PNPLA1: variants seen among roughly 807,000 people sequenced by gnomAD.
PNPLA1 encodes patatin like domain 1, omega-hydroxyceramide transacylase.
In PNPLA1, 36 loss-of-function variants were observed where a neutral mutation model predicts 51.7. That is an observed-to-expected ratio of 0.70 (90% CI 0.53 to 0.92). PNPLA1 has a LOEUF of 0.92. PNPLA1 is among the 40% of genes least tolerant of loss of function. PNPLA1 has a pLI of 0.00. For missense variants in PNPLA1, 658 were observed against 682.5 expected, an observed-to-expected ratio of 0.96 and a Z score of 0.40; for synonymous variants, 293 against 280.1, an observed-to-expected ratio of 1.05 and a Z score of -0.46.
rs1769875068 is a variant in PNPLA1, at chr6:36,270,415, C to T, written c.-45C>T. ...CAGCCCAGGCTCGGGCAGGCAAGTG[C>T]TGAAGGGTGGCTCCGCCTTCCGCAG... On this transcript the variant is annotated 5_prime_UTR_variant, in exon 1 of 9. Transcript: ENST00000636260. The T allele has an allele frequency of 6.5e-7, 1 of 1,546,150 alleles. No individual in the cohort carries two copies. The highest frequency in any genetic ancestry group is 8.7e-7 in the Non-Finnish European group (1 of 1,143,538).
intron 1 of PNPLA1, among the ~76,000 whole-genome samples, chr6:36,291,100 T>C (rs1770661648): frequency 1.3e-5 from 2 of 152,224 alleles, no homozygotes; most frequent in African/African-American, 4.8e-5. Context: ...CATCATTGCC[T>C]AGCTCTGGGC....
At chr6:36,265,065 G>T (rs1285071352), upstream of PNPLA1, among the ~76,000 whole-genome samples, 1 of 152,214 alleles carries the variant, frequency 6.6e-6, no homozygotes, top group Admixed American at 6.5e-5. Flanking sequence ...TCAGGACCAG[G>T]CATGGTGGCT....
In PNPLA1 at chr6:36,291,464, C is replaced by T. The variant is rs371307766; in HGVS notation, c.350C>T (p.Thr117Met). The change falls in exon 2 of 9, where the codon ACG becomes ATG. Residue 117 changes from threonine (T) to methionine (M), a missense_variant. Transcript: ENST00000636260. The part of the protein sequence containing the change: ...VLPEDSYKVT[T>M]GKLHVSLTRL... The stretch of plus-strand genomic sequence containing the variant: ...CCCGAGGACTCCTACAAGGTCACCA[C>T]GGGGAAGCTCCATGTGAGCCTCACC... 1.2e-5 allele frequency: 19 copies of T among 1,613,508 alleles called. No individual in the cohort carries two copies. Among genetic ancestry groups the T allele is most frequent in the South Asian group, 7.7e-5 (7 of 91,080 alleles).
At chr6:36,271,919 A>G (rs897146981) in intron 1 of PNPLA1, among the ~76,000 whole-genome samples, 4 of 152,060 alleles carry the variant, frequency 2.6e-5, no homozygotes, top group Admixed American at 1.3e-4. Flanking sequence ...AAGTTATTGA[A>G]CGTTCTGCGC....
chr6:36,254,829 TC>T (rs1307795302), intron 1 of PNPLA1, among the ~76,000 whole-genome samples: 1 of 152,032 alleles, frequency 6.6e-6, no homozygotes, highest in African/African-American at 2.4e-5. Context: ...ATCATTTCTC[TC>T]CTTCTGGGGC....
upstream of PNPLA1, among the ~76,000 whole-genome samples, chr6:36,267,523 C>T (rs924955775): frequency 1.3e-5 from 2 of 152,120 alleles, no homozygotes; most frequent in African/African-American, 4.8e-5. Flanking sequence ...GGAAGTCAGC[C>T]GGGTCCAAGC....
chr6:36,252,282 T>A (rs181523182), intron 1 of PNPLA1, among the ~76,000 whole-genome samples: 545 of 152,306 alleles, frequency 3.6e-3, no homozygotes, highest in Non-Finnish European at 6.3e-3. Context: ...AGGGTTTTTT[T>A]CTCCCCAGTA....
intron 1 of PNPLA1, among the ~76,000 whole-genome samples, chr6:36,273,510 A>T (rs2127325792): frequency 6.6e-6 from 1 of 151,746 alleles, no homozygotes; most frequent in East Asian, 1.9e-4. Flanking sequence ...TGCCTTGGAA[A>T]CACCTGGTGC....
At chr6:36,307,440 T>C in intron 7 of PNPLA1, 147 bp from the exon 8 acceptor site, 1 of 810,878 alleles carries the variant, frequency 1.2e-6, no homozygotes, top group Non-Finnish European at 1.8e-6. Flanking sequence ...GATTATATTT[T>C]AAAAAAAGTT....
chr6:36,249,014 G>T (rs1202911514), intron 1 of PNPLA1, among the ~76,000 whole-genome samples: 1 of 152,194 alleles, frequency 6.6e-6, no homozygotes, highest in Non-Finnish European at 1.5e-5. Context: ...CTCTTACAGA[G>T]TCCCACTTCA....
intron 7 of PNPLA1, 91 bp downstream of exon 7, chr6:36,306,467 A>AGAGTTCCTGG: frequency 1.7e-6 from 2 of 1,158,180 alleles, no homozygotes; most frequent in Non-Finnish European, 2.5e-6. Flanking sequence ...TAGCTGCCCC[A>AGAGTTCCTGG]GGAACTCTGG....
intron 1 of PNPLA1, among the ~76,000 whole-genome samples, chr6:36,244,422 CTT>C: frequency 6.7e-6 from 1 of 150,252 alleles, no homozygotes; most frequent in South Asian, 2.1e-4. Flanking sequence ...TTTTTTTTAA[CTT>C]AGTATTTCTT....
intron 1 of PNPLA1, among the ~76,000 whole-genome samples, chr6:36,254,012 G>C (rs773149186): frequency 3.9e-5 from 6 of 152,050 alleles, no homozygotes; most frequent in Non-Finnish European, 7.4e-5. Context: ...TGACTACAGA[G>C]CTAAAGTTGT....
Position 36,295,433 on chromosome 6 carries a change from C to G in PNPLA1, c.775+9C>G. On this transcript the variant is annotated intron_variant, in intron 5 of 8. Coordinates refer to ENST00000636260, the MANE Select transcript of PNPLA1 (RefSeq NM_001374623.1). ...GTACTTGAGGCGGCTGAGTAAGTAC[C>G]GGTGGGGCCCCAGGTAAGGGCAGTG... 6 of 1,614,020 alleles carry G rather than the reference C, an allele frequency of 3.7e-6. No individual in the cohort carries two copies. The highest frequency in any genetic ancestry group is 5.1e-6 in the Non-Finnish European group (6 of 1,179,948).
chr6:36,272,487 G>T (rs1168120066), intron 1 of PNPLA1, among the ~76,000 whole-genome samples: 1 of 152,214 alleles, frequency 6.6e-6, no homozygotes, highest in African/African-American at 2.4e-5. Flanking sequence ...TGGCCTGGGG[G>T]TTGGGAACCC....
At chr6:36,250,171 G>T (rs1443536869) in intron 1 of PNPLA1, among the ~76,000 whole-genome samples, 4 of 152,262 alleles carry the variant, frequency 2.6e-5, no homozygotes, top group African/African-American at 9.6e-5. Flanking sequence ...ATGTGATCAT[G>T]CTTTGGCTGT....
At chr6:36,256,792 G>C (rs1020250441) in intron 1 of PNPLA1, among the ~76,000 whole-genome samples, 1 of 152,122 alleles carries the variant, frequency 6.6e-6, no homozygotes, top group Admixed American at 6.6e-5. Context: ...GAAATAAACA[G>C]ACAGTAGACA....
chr6:36,246,865 A>G (rs1325428189), intron 1 of PNPLA1, among the ~76,000 whole-genome samples: 1 of 152,200 alleles, frequency 6.6e-6, no homozygotes, highest in Non-Finnish European at 1.5e-5. Flanking sequence ...TCCCACACGT[A>G]AAATTACATA....
At chr6:36,286,650 G>T (rs537588865) in intron 1 of PNPLA1, among the ~76,000 whole-genome samples, 1 of 152,034 alleles carries the variant, frequency 6.6e-6, no homozygotes, top group Non-Finnish European at 1.5e-5. Flanking sequence ...TCCAAGTGCC[G>T]TTCAAAAATC....
Sources: gnomAD v4.1 joint callset for allele counts (sites outside exome capture counted in the v4.1 genomes callset) on GRCh38, gnomAD v4.1.1 for gene constraint, MANE v1.5 for transcripts, NCBI Gene and HGNC (gene_info 2026-07-23, HGNC 2026-07-21) for gene names.